Variants in FN1 observed in about 807,000 individuals in gnomAD.
FN1 encodes fibronectin.
A neutral mutation model predicts 297.3 loss-of-function variants in FN1; 106 were observed. The ratio of observed to expected loss-of-function variants is 0.36; its 90% confidence interval spans 0.30 to 0.42. The LOEUF (loss-of-function observed/expected upper bound fraction) is 0.42, where lower values mean the gene tolerates loss of function less well. Ranked by LOEUF, FN1 falls within the 10% of genes least tolerant of loss-of-function variation. FN1 has a pLI of 1.00. For missense variants in FN1, 2,690 were observed against 3,124.9 expected, an observed-to-expected ratio of 0.86 and a Z score of 3.32; for synonymous variants, 1,149 against 1,152.6, an observed-to-expected ratio of 1.00 and a Z score of 0.06.
In FN1 at chr2:215,404,498, G is replaced by C; in HGVS notation, c.3144C>G (p.Val1048=). 1.2e-6 allele frequency: 2 copies of C among 1,614,072 alleles called. No homozygotes were observed. The highest frequency in any genetic ancestry group is 1.7e-6 in the Non-Finnish European group (2 of 1,179,988). The change falls in exon 20 of 46, where the codon GTC becomes GTG. Residue 1048 remains valine (V), a synonymous_variant. Transcript: ENST00000354785. ...GCAGATTCCTCAGTGGGTACTTGGAGACAGAGGGACCCACATTGTACTGCC... is the reference window on the plus strand; with the variant it reads ...GCAGATTCCTCAGTGGGTACTTGGACACAGAGGGACCCACATTGTACTGCC... The part of the protein sequence containing the change: ...QPRQYNVGPS[V]SKYPLRNLQP...
At chr2:215,363,840 A>G (rs2054003586) in intron 44 of FN1, among the ~76,000 whole-genome samples, 1 of 152,190 alleles carries the variant, frequency 6.6e-6, no homozygotes, top group South Asian at 2.1e-4. Flanking sequence ...TACTGGGCAT[A>G]TTTTAGAAAT....
chr2:215,365,039 C>T lies in FN1; in HGVS notation c.7145-54G>A. 4 of 1,153,086 alleles carry T rather than the reference C, an allele frequency of 3.5e-6. No homozygotes were observed. In the South Asian group the frequency reaches 5.3e-5, roughly 15 times the overall value. 71.4% of individuals were successfully genotyped at this position (1,153,086 alleles called of 1,614,324 possible). ...CATAAGCTGAGAACAATACTGCAGA[C>T]TTGATCTAGGGGTGGGTTCTATTTC... On this transcript the variant is annotated intron_variant, in intron 43 of 45. Transcript: ENST00000354785.
At chr2:215,415,242 T>C (rs1041659709) in intron 12 of FN1, among the ~76,000 whole-genome samples, 1 of 152,220 alleles carries the variant, frequency 6.6e-6, no homozygotes, top group African/African-American at 2.4e-5. Flanking sequence ...TGCTTTTATT[T>C]TCTCTACTAT....
chr2:215,402,475 C>T (rs1190839208), intron 20 of FN1, among the ~76,000 whole-genome samples: 1 of 152,130 alleles, frequency 6.6e-6, no homozygotes, highest in East Asian at 1.9e-4. Flanking sequence ...GAATTTAGCA[C>T]AAGTTATAAA....
chr2:215,367,808 T>C, intron 42 of FN1, 55 bp downstream of exon 42: 2 of 1,566,768 alleles, frequency 1.3e-6, no homozygotes, highest in South Asian at 1.1e-5. Flanking sequence ...CATGAGTGCA[T>C]GCATGGAACT....
chr2:215,431,041 A>G (rs957069069), intron 4 of FN1, among the ~76,000 whole-genome samples, 189 bp from the exon 5 acceptor site: 5 of 152,288 alleles, frequency 3.3e-5, no homozygotes, highest in East Asian at 1.9e-4. Flanking sequence ...AGAAAGCTCA[A>G]GCTGAGTTGG....
intron 32 of FN1, chr2:215,381,930 T>A: frequency 2.5e-6 from 1 of 397,182 alleles, no homozygotes; most frequent in Non-Finnish European, 4.8e-6. Flanking sequence ...AAATTTTTTG[T>A]AGATTTGCTA....
chr2:215,401,165 AAGAAAGAG>A (rs1402172303), intron 20 of FN1, among the ~76,000 whole-genome samples: 2 of 149,416 alleles, frequency 1.3e-5, no homozygotes, highest in Non-Finnish European at 3.0e-5. Context: ...ATAAGAAAGA[AAGAAAGAG>A]AGAGAGAGTG....
Position 215,408,183 on chromosome 2 carries a change from G to C in FN1, c.2443C>G (p.Pro815Ala). 3 of 1,614,038 alleles carry C rather than the reference G, an allele frequency of 1.9e-6. No homozygotes were observed. The highest frequency in any genetic ancestry group is 8.5e-7 in the Non-Finnish European group (1 of 1,179,966). The part of the protein sequence containing the change: ...TSQTTAPDAP[P>A]DTTVDQVDDT... The stretch of plus-strand genomic sequence containing the variant: ...TCAACTTGGTCCACAGTCGTGTCAG[G>C]AGGGGCATCAGGCGCTAAGAAAGAA... Residue 815 changes from proline (P) to alanine (A), a missense_variant, in exon 17 of 46, where the codon CCT becomes GCT. This residue lies in a region of FN1 where 876 missense variants were observed against 1,058.1 expected (regional missense o/e 0.83). Transcript: ENST00000354785.
At chr2:215,420,827 G>A (rs1220995780) in intron 10 of FN1, 26 bp from the exon 11 acceptor site, 1 of 1,612,736 alleles carries the variant, frequency 6.2e-7, no homozygotes, top group Admixed American at 1.7e-5. Context: ...GTGGGTGAGT[G>A]AGAAACTTTT....
At chr2:215,420,519 A>G (rs1229433865) in intron 11 of FN1, among the ~76,000 whole-genome samples, 154 bp downstream of exon 11, 2 of 152,232 alleles carry the variant, frequency 1.3e-5, no homozygotes, top group Non-Finnish European at 2.9e-5. Context: ...ATTTTGGTCC[A>G]GTATTAGAGA....
At chr2:215,398,717 C>T (rs370218193) in intron 21 of FN1, among the ~76,000 whole-genome samples, 2 of 152,120 alleles carry the variant, frequency 1.3e-5, no homozygotes, top group South Asian at 2.1e-4. Flanking sequence ...TTGTATTCAC[C>T]GCTTCCCTAA....
chr2:215,366,550 G>GT (rs1487903991), intron 42 of FN1, among the ~76,000 whole-genome samples: 7 of 152,180 alleles, frequency 4.6e-5, no homozygotes, highest in African/African-American at 1.7e-4. Context: ...AAAAGTCACA[G>GT]TTTTATGCCT....
chr2:215,428,114 T>C, intron 6 of FN1, 66 bp downstream of exon 6: 2 of 1,572,838 alleles, frequency 1.3e-6, no homozygotes, highest in Non-Finnish European at 1.7e-6. Context: ...AAAGGAAAGA[T>C]GGATTTGCGG....
At position 215,375,624 on chromosome 2, in the gene FN1, G is replaced by C; in HGVS notation, c.5977+5C>G. 1 of 1,594,850 alleles carries C rather than the reference G, an allele frequency of 6.3e-7. No individual in the cohort carries two copies. The highest frequency in any genetic ancestry group is 8.6e-7 in the Non-Finnish European group (1 of 1,162,568). On this transcript the variant is annotated splice_donor_5th_base_variant and intron_variant, in intron 37 of 45. Coordinates refer to ENST00000354785, the MANE Select transcript of FN1 (RefSeq NM_212482.4). ...TGGCATTTCCTCAGTAGAAGGTATA[G>C]TTACCAGTGGAGGCGTCGATGACCA... is the stretch of plus-strand genomic sequence containing the variant.
Position 215,419,357 on chromosome 2 carries a change from C to T in FN1, c.1704G>A (p.Thr568=), listed in dbSNP as rs769508135. 36 of 1,613,060 alleles carry T rather than the reference C, an allele frequency of 2.2e-5. No individual in the cohort carries two copies. The highest frequency in any genetic ancestry group is 2.1e-4 in the African/African-American group (16 of 74,910). ...CCCATGAATCTCCAATTTGATAAAACGTCCCAGTCTCTGAATCCTGGCATT... is the reference window on the plus strand; with the variant it reads ...CCCATGAATCTCCAATTTGATAAAATGTCCCAGTCTCTGAATCCTGGCATT... ...VDQCQDSETG[T]FYQIGDSWEK... The change falls in exon 12 of 46, where the codon ACG becomes ACA. Residue 568 remains threonine, a synonymous_variant. Transcript: ENST00000354785.
intron 11 of FN1, 121 bp downstream of exon 11, chr2:215,420,552 C>A: frequency 7.9e-7 from 1 of 1,269,476 alleles, no homozygotes; most frequent in South Asian, 1.2e-5. Context: ...AAGTTCTTTG[C>A]AAGCAACTGA....
At position 215,389,569 on chromosome 2, in the gene FN1, C is replaced by T. The variant is rs151251842; in HGVS notation, c.4253-1268G>A. On this transcript the variant is annotated intron_variant, in intron 26 of 45. Transcript: ENST00000354785. Reference sequence around the variant, plus strand: ...TTGGGAGGCCGAGGAGGGTGGATCACTTGAGGTCAGGAGTTTGAAACCAGC... The same window carrying T: ...TTGGGAGGCCGAGGAGGGTGGATCATTTGAGGTCAGGAGTTTGAAACCAGC... Among the ~76,000 whole-genome samples the T allele has an allele frequency of 3.6e-3, 546 of 152,116 alleles. 13 individuals are homozygous for T. In the East Asian group the frequency reaches 0.052, roughly 14 times the overall value.
chr2:215,373,597 A>G lies in FN1; in HGVS notation c.6158-186T>C, dbSNP rs7349218. Among the ~76,000 whole-genome samples the G allele has an allele frequency of 0.27, 41,033 of 151,550 alleles. 6,526 individuals carry two copies. The highest frequency in any genetic ancestry group is 0.79 in the East Asian group (4,043 of 5,104). ...CAAATATCCTGCATATAAAGTCCGC[A>G]TCGCAAACTAATTATCTTACTATCA... is the stretch of plus-strand genomic sequence containing the variant. On this transcript the variant is annotated intron_variant, in intron 38 of 45. Coordinates refer to ENST00000354785, the MANE Select transcript of FN1 (RefSeq NM_212482.4).
Sources: gnomAD v4.1 joint callset for allele counts (sites outside exome capture counted in the v4.1 genomes callset) on GRCh38, gnomAD v4.1.1 for gene constraint, gnomAD v4.1.1 regional missense constraint, MANE v1.5 for transcripts, NCBI Gene and HGNC (gene_info 2026-07-23, HGNC 2026-07-21) for gene names.